Variants in BRINP3 observed in about 807,000 individuals in gnomAD.
BRINP3 encodes the protein BMP/retinoic acid-inducible neural-specific protein 3.
A neutral mutation model predicts 71.0 loss-of-function variants in BRINP3; 19 were observed. The observed-to-expected ratio is 0.27, with a 90% CI of 0.19 to 0.39. The LOEUF is 0.39. BRINP3 is among the 10% of genes least tolerant of loss of function. The pLI, the probability that BRINP3 is intolerant of heterozygous loss-of-function variation, is 1.00. For missense variants in BRINP3, 959 were observed against 940.8 expected (o/e 1.02, Z -0.25); for synonymous variants, 380 against 337.7 (o/e 1.13, Z -1.37).
At chr1:190,193,104 A>G (rs182068616) in intron 6 of BRINP3, among the ~76,000 whole-genome samples, 144 of 152,170 alleles carry the variant, frequency 9.5e-4, no homozygotes, top group Admixed American at 2.6e-3. Context: ...AAATTATTTT[A>G]GATTTGTGAA....
intron 2 of BRINP3, among the ~76,000 whole-genome samples, chr1:190,407,836 G>A (rs1268670275): frequency 1.3e-5 from 2 of 151,834 alleles, no homozygotes; most frequent in Non-Finnish European, 2.9e-5. Context: ...AACACCTAAA[G>A]CCCTGTATTA....
chr1:190,297,843 T>C (rs1440003862), intron 2 of BRINP3, among the ~76,000 whole-genome samples: 1 of 151,614 alleles, frequency 6.6e-6, no homozygotes, highest in South Asian at 2.1e-4. Context: ...CTTTTTCTTC[T>C]GGTTTGTTAT....
chr1:190,279,047 T>C (rs114429850), intron 3 of BRINP3, among the ~76,000 whole-genome samples: 2,343 of 151,830 alleles, frequency 0.015, 77 homozygotes, highest in African/African-American at 0.053. Flanking sequence ...CTTCTTTTCT[T>C]ATCTGGAAAA....
chr1:190,219,054 AGG>A (rs1656650144), intron 6 of BRINP3, among the ~76,000 whole-genome samples: 1 of 151,906 alleles, frequency 6.6e-6, no homozygotes, highest in Non-Finnish European at 1.5e-5. Context: ...CAATGCAAAT[AGG>A]GGATTCAGGC....
intron 7 of BRINP3, among the ~76,000 whole-genome samples, chr1:190,101,984 A>T (rs572649486): frequency 6.6e-6 from 1 of 152,242 alleles, no homozygotes; most frequent in South Asian, 2.1e-4. Context: ...TTCAGCTCTC[A>T]TGTATGAATA....
intron 7 of BRINP3, among the ~76,000 whole-genome samples, chr1:190,130,116 T>A (rs1654417154): frequency 6.6e-6 from 1 of 152,058 alleles, no homozygotes; most frequent in African/African-American, 2.4e-5. Flanking sequence ...ACTTTTGATG[T>A]GTTTCTTATC....
Position 190,160,742 on chromosome 1 carries a change from C to T in BRINP3, c.1110G>A (p.Gln370=). The T allele has an allele frequency of 6.2e-7, 1 of 1,613,608 alleles. No individual in the cohort carries two copies. The highest frequency in any genetic ancestry group is 8.5e-7 in the Non-Finnish European group (1 of 1,179,708). Residue 370 remains glutamine, a synonymous_variant, in exon 7 of 8, where the codon CAG becomes CAA. Transcript: ENST00000367462. The part of the protein sequence containing the change: ...NSMKQLFLKA[Q]KIVHKLFSLS... ...GGCTAAAAAGCTTGTGTACAATTTTCTGCGCCTTTAGGAAAAGTTGTTTCA... is the reference window on the plus strand; with the variant it reads ...GGCTAAAAAGCTTGTGTACAATTTTTTGCGCCTTTAGGAAAAGTTGTTTCA...
intron 6 of BRINP3, among the ~76,000 whole-genome samples, chr1:190,207,116 A>G (rs1183854184): frequency 5.9e-5 from 9 of 151,956 alleles, no homozygotes; most frequent in Non-Finnish European, 1.3e-4. Context: ...GCTCCTAGTC[A>G]CTGGAAACAG....
At chr1:190,457,920 A>T (rs895131845) in intron 1 of BRINP3, among the ~76,000 whole-genome samples, 3 of 131,700 alleles carry the variant, frequency 2.3e-5, no homozygotes, top group Non-Finnish European at 3.2e-5. Context: ...TCCCCTCATT[A>T]AAAAAAAAAA....
At chr1:190,426,024 T>C (rs928238024) in intron 2 of BRINP3, among the ~76,000 whole-genome samples, 7 of 151,866 alleles carry the variant, frequency 4.6e-5, no homozygotes, top group Non-Finnish European at 1.0e-4. Flanking sequence ...TCTGCAATTA[T>C]ATTTTGATAT....
At chr1:190,329,681 T>A (rs1050780135) in intron 2 of BRINP3, among the ~76,000 whole-genome samples, 2 of 151,952 alleles carry the variant, frequency 1.3e-5, no homozygotes, top group Non-Finnish European at 2.9e-5. Context: ...AAAATGAGCC[T>A]GAATAGCCAA....
chr1:190,226,219 T>C lies in BRINP3; in HGVS notation c.824A>G (p.Glu275Gly). 6.2e-7 allele frequency: 1 copy of C among 1,612,774 alleles called. No homozygotes were observed. The highest frequency in any genetic ancestry group is 8.5e-7 in the Non-Finnish European group (1 of 1,179,196). The change falls in exon 6 of 8, where the codon GAA (glutamate) becomes GGA (glycine). Residue 275 changes from glutamate to glycine, a missense_variant. Coordinates refer to ENST00000367462, the MANE Select transcript of BRINP3 (RefSeq NM_199051.3). ...CNSEGEFICKENDCWCHCGPK... is the reference protein window; with the variant it reads ...CNSEGEFICKGNDCWCHCGPK... ...ACCACAGTGACACCAGCAGTCATTT[T>C]CCTTGCAGATAAACTCTCCCTCTGA... is the stretch of plus-strand genomic sequence containing the variant.
intron 2 of BRINP3, among the ~76,000 whole-genome samples, chr1:190,298,323 T>C (rs1027404414): frequency 1.3e-5 from 2 of 152,124 alleles, no homozygotes; most frequent in African/African-American, 4.8e-5. Flanking sequence ...ATTGTTTCTC[T>C]TTTTTCAACT....
At chr1:190,244,784 A>G (rs906494785) in intron 4 of BRINP3, among the ~76,000 whole-genome samples, 3 of 151,956 alleles carry the variant, frequency 2.0e-5, no homozygotes, top group South Asian at 2.1e-4. Context: ...CTCCTACTCA[A>G]TGTAGGAGCC....
At chr1:190,230,946 G>A (rs1217537035) in intron 5 of BRINP3, among the ~76,000 whole-genome samples, 1 of 151,160 alleles carries the variant, frequency 6.6e-6, no homozygotes, top group East Asian at 1.9e-4. Context: ...ATGTAAATAT[G>A]TATACATATA....
intron 2 of BRINP3, among the ~76,000 whole-genome samples, chr1:190,397,457 G>C (rs1259978706): frequency 1.3e-5 from 2 of 151,818 alleles, no homozygotes; most frequent in Non-Finnish European, 2.9e-5. Flanking sequence ...TCAGGCACTT[G>C]ACTTATTTTA....
chr1:190,351,947 T>G (rs974444721), intron 2 of BRINP3, among the ~76,000 whole-genome samples: 5 of 152,022 alleles, frequency 3.3e-5, no homozygotes, highest in Non-Finnish European at 5.9e-5. Flanking sequence ...TTGAATAAGT[T>G]AGAGGTAAAC....
chr1:190,204,886 G>A (rs2102627158), intron 6 of BRINP3, among the ~76,000 whole-genome samples: 1 of 151,674 alleles, frequency 6.6e-6, no homozygotes, highest in East Asian at 2.0e-4. Context: ...TAGATTTAAT[G>A]AATATTTATC....
chr1:190,297,742 G>A (rs778227201), intron 2 of BRINP3, among the ~76,000 whole-genome samples: 10 of 151,268 alleles, frequency 6.6e-5, no homozygotes, highest in Admixed American at 2.0e-4. Context: ...TGGTCATGGC[G>A]TAAATTCCTT....
Sources: allele counts gnomAD v4.1 joint callset (sites outside exome capture counted in the v4.1 genomes callset), GRCh38; gene constraint gnomAD v4.1.1; transcripts MANE v1.5; gene names NCBI Gene and HGNC (gene_info 2026-07-23, HGNC 2026-07-21).